The following PLPP4 variants were observed in gnomAD, a reference collection of about 807,000 sequenced individuals.
PLPP4 encodes diacylglycerol pyrophosphate like 2.
PLPP4 carries 20 observed loss-of-function variants against 32.2 expected under a neutral mutation model. The observed-to-expected ratio is 0.62, with a 90% confidence interval of 0.44 to 0.90. The LOEUF is 0.90. Among genes scored for constraint, PLPP4 ranks in the 40% least tolerant of loss-of-function variants. PLPP4 has a pLI of 0.00. For missense variants in PLPP4, 257 were observed against 353.1 expected (o/e 0.73, Z 2.18); for synonymous variants, 127 against 133.0 (o/e 0.95, Z 0.31).
At chr10:120,486,832 A>G (rs1354539511) in intron 1 of PLPP4, among the ~76,000 whole-genome samples, 5 of 152,210 alleles carry the variant, frequency 3.3e-5, no homozygotes, top group African/African-American at 1.2e-4. Flanking sequence ...GCCTTGGAGC[A>G]GAGGCTCCCT....
At chr10:120,557,093 T>A (rs755066686) in intron 5 of PLPP4, among the ~76,000 whole-genome samples, 2 of 152,214 alleles carry the variant, frequency 1.3e-5, no homozygotes, top group African/African-American at 2.4e-5. Context: ...AAGTCCTGGC[T>A]TAGCATTTTT....
chr10:120,557,411 A>G (rs758215060), intron 5 of PLPP4, among the ~76,000 whole-genome samples: 47 of 152,196 alleles, frequency 3.1e-4, no homozygotes, highest in Non-Finnish European at 8.8e-5. Context: ...TGAGAAATCA[A>G]TCAAGTGCCT....
At chr10:120,576,528 G>A (rs80321193) in intron 6 of PLPP4, among the ~76,000 whole-genome samples, 5 of 152,158 alleles carry the variant, frequency 3.3e-5, no homozygotes, top group Admixed American at 6.5e-5. Context: ...AGCTTCTCCT[G>A]TTCCTTCCTG....
chr10:120,472,229 G>A (rs979221878), intron 1 of PLPP4, among the ~76,000 whole-genome samples: 1 of 151,976 alleles, frequency 6.6e-6, no homozygotes, highest in Non-Finnish European at 1.5e-5. Context: ...TATCCTTTTA[G>A]CCTGAATAAC....
chr10:120,466,392 G>T (rs191892668), intron 1 of PLPP4, among the ~76,000 whole-genome samples: 1 of 152,202 alleles, frequency 6.6e-6, no homozygotes, highest in East Asian at 1.9e-4. Context: ...TGGGTAAAAT[G>T]AATAAATAAA....
intron 5 of PLPP4, among the ~76,000 whole-genome samples, chr10:120,527,921 G>C (rs1418563906): frequency 6.6e-6 from 1 of 152,110 alleles, no homozygotes; most frequent in African/African-American, 2.4e-5. Flanking sequence ...GGTTCTTAGA[G>C]TGGTTGGGCA....
chr10:120,541,537 C>G (rs1304521181), intron 5 of PLPP4, among the ~76,000 whole-genome samples: 1 of 152,158 alleles, frequency 6.6e-6, no homozygotes, highest in Non-Finnish European at 1.5e-5. Flanking sequence ...TTATTGCATT[C>G]TTAATGATGT....
At chr10:120,554,272 C>G (rs1037392503) in intron 5 of PLPP4, among the ~76,000 whole-genome samples, 5 of 152,204 alleles carry the variant, frequency 3.3e-5, no homozygotes, top group Non-Finnish European at 5.9e-5. Flanking sequence ...GTCTGCCAGT[C>G]TCTTTGCTAA....
intron 1 of PLPP4, among the ~76,000 whole-genome samples, chr10:120,496,070 T>C (rs779468884): frequency 8.5e-5 from 13 of 152,308 alleles, no homozygotes; most frequent in South Asian, 2.1e-4. Flanking sequence ...TATATTTCAG[T>C]ATAATCTTTT....
rs115253914 is a variant in PLPP4 at position 120,473,273 on chromosome 10, A to G, written c.56+15912A>G. 7.8e-3 allele frequency among the ~76,000 whole-genome samples: 1,187 copies of G among 151,936 alleles called. 21 individuals are homozygous for G. Among genetic ancestry groups the G allele is most frequent in the African/African-American group, 0.026 (1,092 of 41,480 alleles). On this transcript the variant is annotated intron_variant, in intron 1 of 6. Coordinates refer to ENST00000398250, the MANE Select transcript of PLPP4 (RefSeq NM_001030059.3). ...GGGTCATTTTAGTCTTCAGAACTTT[A>G]ATTCTAGGCTATTGTTGGGCAAATC...
intron 5 of PLPP4, among the ~76,000 whole-genome samples, chr10:120,527,278 G>C (rs1237082051): frequency 1.3e-5 from 2 of 152,124 alleles, no homozygotes; most frequent in African/African-American, 2.4e-5. Flanking sequence ...ATGTTACATT[G>C]TTGACCCCCC....
At chr10:120,463,184 G>A (rs1488816525) in intron 1 of PLPP4, among the ~76,000 whole-genome samples, 4 of 151,784 alleles carry the variant, frequency 2.6e-5, no homozygotes, top group Admixed American at 2.0e-4. Context: ...CCGCCACCAC[G>A]CCTGGCTAAT....
chr10:120,565,353 T>TGC (rs1554896566), intron 5 of PLPP4, among the ~76,000 whole-genome samples: 6 of 135,022 alleles, frequency 4.4e-5, no homozygotes, highest in Non-Finnish European at 8.4e-5. Flanking sequence ...TGTGTGTGTG[T>TGC]GTGTGTGTGC....
chr10:120,477,573 G>C (rs998632883), intron 1 of PLPP4, among the ~76,000 whole-genome samples: 22 of 152,280 alleles, frequency 1.4e-4, no homozygotes, highest in African/African-American at 5.3e-4. Flanking sequence ...ACTGAGCTGG[G>C]TCTGATGCCA....
At chr10:120,578,779 GT>G (rs1195814395) in intron 6 of PLPP4, among the ~76,000 whole-genome samples, 2 of 152,208 alleles carry the variant, frequency 1.3e-5, no homozygotes, top group South Asian at 4.1e-4. Context: ...CACAAAACCG[GT>G]GGGATCAATA....
chr10:120,490,020 G>C (rs1844642701), intron 1 of PLPP4, among the ~76,000 whole-genome samples: 2 of 152,220 alleles, frequency 1.3e-5, no homozygotes, highest in South Asian at 4.1e-4. Context: ...CTGGTGTTCT[G>C]CTGTGACCCC....
intron 6 of PLPP4, among the ~76,000 whole-genome samples, chr10:120,578,724 G>A (rs149253970): frequency 6.6e-6 from 1 of 152,326 alleles, no homozygotes; most frequent in Non-Finnish European, 1.5e-5. Context: ...CACAGGCCAT[G>A]GCATAGGGAA....
At chr10:120,506,400 G>T (rs1454709210) in intron 2 of PLPP4, among the ~76,000 whole-genome samples, 4 of 152,052 alleles carry the variant, frequency 2.6e-5, no homozygotes, top group Non-Finnish European at 5.9e-5. Context: ...TATTATTTTG[G>T]TCTTTTAAAA....
Position 120,550,536 on chromosome 10 carries a change from T to C in PLPP4, c.446-24595T>C, listed in dbSNP as rs189326432. 1.0e-3 allele frequency among the ~76,000 whole-genome samples: 158 copies of C among 152,018 alleles called. 1 individual carries two copies. The highest frequency in any genetic ancestry group is 3.1e-3 in the African/African-American group (127 of 41,544). ...CAGTACCCAATTTCAAGAGTTCTTA[T>C]AAAGTTATAGTGATCAAGCCAATGT... On this transcript the variant is annotated intron_variant, in intron 5 of 6. Transcript: ENST00000398250.
Sources: allele counts gnomAD v4.1 joint callset (sites outside exome capture counted in the v4.1 genomes callset), GRCh38; gene constraint gnomAD v4.1.1; transcripts MANE v1.5; gene names NCBI Gene and HGNC (gene_info 2026-07-23, HGNC 2026-07-21).